FAT3: variants seen among roughly 807,000 people sequenced by gnomAD.
FAT3 encodes the protein FAT atypical cadherin 3.
Under a neutral mutation model 310.2 loss-of-function variants are expected in FAT3, and 95 were observed. The observed-to-expected ratio is 0.31, with a 90% CI of 0.26 to 0.36. The LOEUF is 0.36. Among genes scored for constraint, FAT3 ranks in the 10% least tolerant of loss-of-function variants. FAT3 has a pLI of 1.00. For synonymous variants in FAT3, 2,314 were observed against 2,192.9 expected (o/e 1.06, Z -1.54); for missense variants, 5,408 against 5,715.6 (o/e 0.95, Z 1.74).
At chr11:92,699,566 A>G (rs1365531166) in intron 4 of FAT3, among the ~76,000 whole-genome samples, 1 of 152,220 alleles carries the variant, frequency 6.6e-6, no homozygotes, top group Non-Finnish European at 1.5e-5. Flanking sequence ...TTCTTAGTTG[A>G]GCATCCCTAA....
At chr11:92,306,410 G>A (rs1366538788) in intron 1 of FAT3, among the ~76,000 whole-genome samples, 1 of 146,072 alleles carries the variant, frequency 6.8e-6, no homozygotes. Context: ...AGTTTTTGTA[G>A]CTTCAGTTTT....
At chr11:92,680,556 T>C (rs1591600663) in intron 3 of FAT3, among the ~76,000 whole-genome samples, 1 of 152,368 alleles carries the variant, frequency 6.6e-6, no homozygotes, top group Non-Finnish European at 1.5e-5. Context: ...CTTCCAGCTT[T>C]GTTCTTTTTG....
intron 6 of FAT3, among the ~76,000 whole-genome samples, chr11:92,772,295 T>A (rs1565582238): frequency 6.6e-6 from 1 of 152,192 alleles, no homozygotes; most frequent in Non-Finnish European, 1.5e-5. Context: ...CAATTTTATG[T>A]CCTTTCTTTG....
At chr11:92,344,384 C>G (rs909967079) in intron 1 of FAT3, among the ~76,000 whole-genome samples, 3 of 152,172 alleles carry the variant, frequency 2.0e-5, no homozygotes, top group African/African-American at 7.2e-5. Flanking sequence ...TGCATGTTTT[C>G]CGCCCCTTAG....
At chr11:92,471,645 G>C (rs927071362) in intron 2 of FAT3, among the ~76,000 whole-genome samples, 1 of 151,990 alleles carries the variant, frequency 6.6e-6, no homozygotes, top group African/African-American at 2.4e-5. Context: ...CATATGCAAA[G>C]GACAGTTGAA....
chr11:92,659,504 T>C (rs1942699104), intron 3 of FAT3, among the ~76,000 whole-genome samples: 1 of 152,228 alleles, frequency 6.6e-6, no homozygotes, highest in African/African-American at 2.4e-5. Flanking sequence ...TTTCCTTCTA[T>C]GCATGCTCAC....
At chr11:92,562,160 C>T (rs1373122584) in intron 3 of FAT3, among the ~76,000 whole-genome samples, 1 of 152,088 alleles carries the variant, frequency 6.6e-6, no homozygotes, top group East Asian at 1.9e-4. Flanking sequence ...CCTTCAGTAA[C>T]AAACATTCAG....
chr11:92,256,771 C>T (rs1459908283), intron 1 of FAT3, among the ~76,000 whole-genome samples: 1 of 152,116 alleles, frequency 6.6e-6, no homozygotes, highest in East Asian at 1.9e-4. Context: ...TTGTTAGGTT[C>T]ATTTTTAAAT....
At chr11:92,497,999 T>C (rs550130401) in intron 2 of FAT3, among the ~76,000 whole-genome samples, 16 of 152,026 alleles carry the variant, frequency 1.1e-4, no homozygotes, top group African/African-American at 3.9e-4. Context: ...GGCCTGGGGG[T>C]AGAGTGGTGT....
chr11:92,613,613 C>A (rs1204105035), intron 3 of FAT3, among the ~76,000 whole-genome samples: 1 of 152,108 alleles, frequency 6.6e-6, no homozygotes, highest in South Asian at 2.1e-4. Flanking sequence ...CCCTCCAAAC[C>A]CCATCTTCTA....
At chr11:92,794,858 G>A (rs148230206) in intron 9 of FAT3, among the ~76,000 whole-genome samples, 23 of 152,310 alleles carry the variant, frequency 1.5e-4, no homozygotes, top group Middle Eastern at 3.4e-3. Context: ...ACACTGGTCC[G>A]CACTGGTCCT....
chr11:92,291,628 A>T (rs574970026), intron 1 of FAT3, among the ~76,000 whole-genome samples: 39 of 151,214 alleles, frequency 2.6e-4, no homozygotes, highest in Middle Eastern at 3.4e-3. Flanking sequence ...CTAGTGGCCA[A>T]AAGTTATTTC....
At chr11:92,568,492 G>A (rs1208088094) in intron 3 of FAT3, among the ~76,000 whole-genome samples, 2 of 152,068 alleles carry the variant, frequency 1.3e-5, no homozygotes, top group African/African-American at 4.8e-5. Context: ...TGCTAGCAAT[G>A]GAAAGAACAT....
At chr11:92,640,144 T>G (rs1190011239) in intron 3 of FAT3, among the ~76,000 whole-genome samples, 1 of 152,078 alleles carries the variant, frequency 6.6e-6, no homozygotes, top group Non-Finnish European at 1.5e-5. Context: ...AGAGGCTACA[T>G]CAGGGTCCTC....
chr11:92,480,052 T>A (rs928360307), intron 2 of FAT3, among the ~76,000 whole-genome samples: 1 of 151,662 alleles, frequency 6.6e-6, no homozygotes, highest in Non-Finnish European at 1.5e-5. Context: ...GATCACAAGG[T>A]CAGAAGATCG....
At chr11:92,738,583 A>G (rs1945417077) in intron 4 of FAT3, among the ~76,000 whole-genome samples, 2 of 152,214 alleles carry the variant, frequency 1.3e-5, no homozygotes, top group Admixed American at 1.3e-4. Context: ...AACACATAAT[A>G]CATAGTACAG....
rs1310916962 is a variant in FAT3, at chr11:92,882,767, G to C, written c.12311G>C (p.Arg4104Pro). ...GAGGAGGACATCAATGAGTGCGAAC[G>C]AGAGGAGTGTGAGAACGGAGGCTCC... is the stretch of plus-strand genomic sequence containing the variant. ...TCEEDINECEREECENGGSCV... is the reference protein window; with the variant it reads ...TCEEDINECEPEECENGGSCV... Residue 4104 changes from arginine (R) to proline (P), a missense_variant, in exon 24 of 28, where the codon CGA becomes CCA. Coordinates refer to ENST00000525166, the MANE Select transcript of FAT3 (RefSeq NM_001367949.2). 6.2e-7 allele frequency: 1 copy of C among 1,610,696 alleles called. No homozygotes were observed. Among genetic ancestry groups the C allele is most frequent in the Non-Finnish European group, 8.5e-7 (1 of 1,178,530 alleles).
chr11:92,468,569 T>C (rs1951831338), intron 2 of FAT3, among the ~76,000 whole-genome samples: 1 of 152,156 alleles, frequency 6.6e-6, no homozygotes, highest in Non-Finnish European at 1.5e-5. Flanking sequence ...TCCATTCTCA[T>C]GCTATTAATA....
intron 3 of FAT3, among the ~76,000 whole-genome samples, chr11:92,577,295 G>C (rs914637095): frequency 2.6e-5 from 4 of 151,754 alleles, no homozygotes; most frequent in Non-Finnish European, 5.9e-5. Flanking sequence ...TTTTAGTAGA[G>C]ATGGGGTTTC....
Sources: gnomAD v4.1 joint callset for allele counts (sites outside exome capture counted in the v4.1 genomes callset) on GRCh38, gnomAD v4.1.1 for gene constraint, MANE v1.5 for transcripts, NCBI Gene and HGNC (gene_info 2026-07-23, HGNC 2026-07-21) for gene names.